QTMAN: variants seen among roughly 807,000 people sequenced by gnomAD.
The protein encoded by QTMAN is queuosine-tRNA mannosyltransferase, also known as tRNA-queuosine alpha-mannosyltransferase.
At chr2:144,281,073 A>G in the QTMAN span, among the ~76,000 whole-genome samples, 1 of 122,016 alleles carries the variant, frequency 8.2e-6, no homozygotes, top group Non-Finnish European at 1.7e-5. Flanking sequence ...CCACCCCACA[A>G]CAGTCCCCGG....
the QTMAN span, among the ~76,000 whole-genome samples, chr2:143,960,633 T>G: frequency 1.3e-5 from 2 of 152,160 alleles, no homozygotes; most frequent in East Asian, 3.9e-4. Flanking sequence ...CATAGGATAC[T>G]TGAAGGTGAA....
chr2:144,318,551 T>C, the QTMAN span, among the ~76,000 whole-genome samples: 1 of 152,230 alleles, frequency 6.6e-6, no homozygotes, highest in Non-Finnish European at 1.5e-5. Context: ...TGATCTCTAA[T>C]CTGACTTGTA....
At chr2:144,245,615 A>C in the QTMAN span, among the ~76,000 whole-genome samples, 1 of 152,222 alleles carries the variant, frequency 6.6e-6, no homozygotes, top group Non-Finnish European at 1.5e-5. Flanking sequence ...TTCTTTAACC[A>C]AATAGAATTA....
the QTMAN span, among the ~76,000 whole-genome samples, chr2:144,036,251 A>C: frequency 2.0e-5 from 3 of 152,190 alleles, no homozygotes; most frequent in Non-Finnish European, 4.4e-5. Flanking sequence ...TTGAAATGAT[A>C]CTTGGATGAG....
chr2:144,309,118 G>C, the QTMAN span, among the ~76,000 whole-genome samples: 5 of 152,182 alleles, frequency 3.3e-5, no homozygotes, highest in Non-Finnish European at 7.3e-5. Flanking sequence ...ATTATACCAA[G>C]TGCTGGCCAG....
the QTMAN span, among the ~76,000 whole-genome samples, chr2:144,323,474 G>T: frequency 6.6e-6 from 1 of 152,048 alleles, no homozygotes; most frequent in Admixed American, 6.6e-5. Flanking sequence ...TTAATTTCTA[G>T]AATGCTTAGT....
chr2:144,272,964 A>T, the QTMAN span, among the ~76,000 whole-genome samples: 1 of 152,180 alleles, frequency 6.6e-6, no homozygotes, highest in African/African-American at 2.4e-5. Flanking sequence ...ACTGGTAGAA[A>T]ATAATGACAG....
the QTMAN span, among the ~76,000 whole-genome samples, chr2:144,245,591 C>T: frequency 2.6e-5 from 4 of 152,142 alleles, no homozygotes; most frequent in African/African-American, 7.2e-5. Flanking sequence ...ATCTACAATT[C>T]TCTATTTGTG....
the QTMAN span, among the ~76,000 whole-genome samples, chr2:144,280,364 G>C: frequency 1.3e-5 from 2 of 152,134 alleles, no homozygotes; most frequent in Admixed American, 6.5e-5. Flanking sequence ...CTGCGTTACA[G>C]AAAAAGTTGT....
At chr2:144,106,364 T>G in the QTMAN span, among the ~76,000 whole-genome samples, 1 of 152,052 alleles carries the variant, frequency 6.6e-6, no homozygotes, top group African/African-American at 2.4e-5. Flanking sequence ...GAGACCCATC[T>G]CACATGCAGA....
chr2:143,953,670 A>G, the QTMAN span, among the ~76,000 whole-genome samples: 2 of 151,886 alleles, frequency 1.3e-5, no homozygotes, highest in African/African-American at 2.4e-5. Context: ...CATATAATCA[A>G]CTTTAAAGAT....
the QTMAN span, among the ~76,000 whole-genome samples, chr2:144,236,535 G>C: frequency 6.6e-6 from 1 of 150,746 alleles, no homozygotes; most frequent in African/African-American, 2.4e-5. Flanking sequence ...TTTATGACAA[G>C]GAAACTTTTC....
chr2:143,954,659 A>G, the QTMAN span, among the ~76,000 whole-genome samples: 1 of 152,104 alleles, frequency 6.6e-6, no homozygotes. Flanking sequence ...TTGACTTGTT[A>G]TGATATACAT....
At chr2:144,076,866 C>T in the QTMAN span, among the ~76,000 whole-genome samples, 3 of 151,992 alleles carry the variant, frequency 2.0e-5, no homozygotes, top group Admixed American at 6.6e-5. Context: ...GGCCACTAAT[C>T]CCAGCACTTT....
At chr2:144,119,856 AAAAAC>A in the QTMAN span, among the ~76,000 whole-genome samples, 8 of 151,658 alleles carry the variant, frequency 5.3e-5, no homozygotes, top group Middle Eastern at 6.8e-3. Context: ...TGCCCATATT[AAAAAC>A]AAAACAAAAC....
At chr2:144,056,205 A>G in the QTMAN span, among the ~76,000 whole-genome samples, 1 of 152,226 alleles carries the variant, frequency 6.6e-6, no homozygotes, top group Non-Finnish European at 1.5e-5. Context: ...GCTGCCACAT[A>G]TTTAGGTTTT....
the QTMAN span, among the ~76,000 whole-genome samples, chr2:144,168,597 C>T: frequency 2.0e-5 from 3 of 151,962 alleles, no homozygotes; most frequent in African/African-American, 7.2e-5. Flanking sequence ...GACTACGATA[C>T]TTGTATATGT....
At chr2:144,260,568 A>G in the QTMAN span, among the ~76,000 whole-genome samples, 1 of 152,082 alleles carries the variant, frequency 6.6e-6, no homozygotes, top group Non-Finnish European at 1.5e-5. Flanking sequence ...ATGCCCCCAC[A>G]TATTTCTGTA....
the QTMAN span, among the ~76,000 whole-genome samples, chr2:144,138,844 T>C: frequency 6.6e-6 from 1 of 152,172 alleles, no homozygotes; most frequent in Non-Finnish European, 1.5e-5. Flanking sequence ...GCTTGCCAGG[T>C]AGTCAAAGGG....
Sources: allele counts gnomAD v4.1 joint callset (sites outside exome capture counted in the v4.1 genomes callset), GRCh38; gene constraint gnomAD v4.1.1; transcripts MANE v1.5; gene names NCBI Gene and HGNC (gene_info 2026-07-23, HGNC 2026-07-21).